DYM: variants seen among roughly 807,000 people sequenced by gnomAD.
DYM encodes the protein dyggve-Melchior-Clausen syndrome protein.
Under a neutral mutation model 93.1 loss-of-function variants are expected in DYM, and 78 were observed. That is an observed-to-expected ratio of 0.84 (90% CI 0.70 to 1.01). The LOEUF (loss-of-function observed/expected upper bound fraction) is 1.01, where lower values mean the gene tolerates loss of function less well. DYM is among the 50% of genes least tolerant of loss of function. DYM has a pLI of 0.00. For missense variants in DYM, 789 were observed against 845.0 expected (o/e 0.93, Z 0.82); for synonymous variants, 321 against 319.7 (o/e 1.00, Z -0.04).
At chr18:49,070,806 T>A (rs993061167) in intron 17 of DYM, among the ~76,000 whole-genome samples, 1 of 152,180 alleles carries the variant, frequency 6.6e-6, no homozygotes, top group Non-Finnish European at 1.5e-5. Flanking sequence ...GGAAAAGGAA[T>A]GTTAGCCGCT....
chr18:49,085,802 T>G (rs2145292883), intron 17 of DYM, among the ~76,000 whole-genome samples: 1 of 152,184 alleles, frequency 6.6e-6, no homozygotes. Flanking sequence ...GAGACGGGGT[T>G]TCACCATCTT....
intron 14 of DYM, among the ~76,000 whole-genome samples, chr18:49,174,420 A>T (rs2089147318): frequency 6.6e-6 from 1 of 152,166 alleles, no homozygotes; most frequent in South Asian, 2.1e-4. Context: ...CTATTCATAA[A>T]TGGAAGAGCT....
intron 8 of DYM, among the ~76,000 whole-genome samples, chr18:49,314,497 T>G (rs1193211620): frequency 6.6e-6 from 1 of 152,222 alleles, no homozygotes; most frequent in Admixed American, 6.5e-5. Context: ...GGAGACAGTG[T>G]GTTAAAGAGT....
intron 15 of DYM, among the ~76,000 whole-genome samples, chr18:49,142,423 G>C (rs1568485942): frequency 6.6e-6 from 1 of 152,222 alleles, no homozygotes; most frequent in Non-Finnish European, 1.5e-5. Context: ...TGGGGAAACT[G>C]AAGCTTGGAC....
chr18:49,270,120 G>A (rs2094652488), intron 11 of DYM, among the ~76,000 whole-genome samples: 1 of 152,194 alleles, frequency 6.6e-6, no homozygotes, highest in African/African-American at 2.4e-5. Flanking sequence ...GCGTGTAGTA[G>A]GCTACACTAT....
At chr18:49,312,269 T>C (rs1039974330) in intron 8 of DYM, among the ~76,000 whole-genome samples, 1 of 152,206 alleles carries the variant, frequency 6.6e-6, no homozygotes, top group African/African-American at 2.4e-5. Flanking sequence ...GTTTAAAGCC[T>C]GAAAGCCAAG....
chr18:49,112,510 T>C (rs1568441340), intron 16 of DYM, among the ~76,000 whole-genome samples: 1 of 152,120 alleles, frequency 6.6e-6, no homozygotes, highest in Non-Finnish European at 1.5e-5. Flanking sequence ...CTCCTTGGGA[T>C]CTAGACTATT....
At chr18:49,438,548 G>A (rs1206333630) in intron 1 of DYM, among the ~76,000 whole-genome samples, 1 of 152,070 alleles carries the variant, frequency 6.6e-6, no homozygotes. Flanking sequence ...AGTGTGAACA[G>A]GAACTCCGGC....
chr18:49,161,841 C>T (rs973911300), intron 15 of DYM, among the ~76,000 whole-genome samples: 19 of 152,286 alleles, frequency 1.2e-4, no homozygotes, highest in Middle Eastern at 3.4e-3. Flanking sequence ...GTACTGTTCC[C>T]ACAGTCTCAT....
At chr18:49,286,727 G>A in intron 8 of DYM, 111 bp from the exon 9 acceptor site, 1 of 1,086,598 alleles carries the variant, frequency 9.2e-7, no homozygotes, top group East Asian at 2.6e-5. Flanking sequence ...GTTCCAAAGT[G>A]TAGAACAAGA....
intron 2 of DYM, among the ~76,000 whole-genome samples, chr18:49,398,277 GTCTC>G (rs1298144349): frequency 2.0e-5 from 3 of 152,084 alleles, no homozygotes; most frequent in Admixed American, 6.6e-5. Flanking sequence ...TCTGCTGTCT[GTCTC>G]TCTGTCTGCT....
intron 15 of DYM, among the ~76,000 whole-genome samples, chr18:49,120,074 G>A (rs1380542071): frequency 6.6e-5 from 7 of 106,320 alleles, no homozygotes; most frequent in Non-Finnish European, 1.0e-4. Flanking sequence ...GCCAGATCCT[G>A]TCTCAAAAAA....
At chr18:49,169,332 G>A (rs756061385) in intron 14 of DYM, among the ~76,000 whole-genome samples, 6 of 152,218 alleles carry the variant, frequency 3.9e-5, no homozygotes, top group Non-Finnish European at 8.8e-5. Flanking sequence ...AGTCAGCTGA[G>A]CAAATCAGGC....
Position 49,257,017 on chromosome 18 carries a change from T to C in DYM, c.1453A>G (p.Ile485Val). The change falls in exon 13 of 18, where the codon ATC (isoleucine) becomes GTC (valine). Residue 485 changes from isoleucine (I) to valine (V), a missense_variant. Physicochemically the swap from Ile to Val is conservative, Grantham distance 29. Transcript: ENST00000675505. ...RSLHQYAAQRIISYTCRHLRR... is the reference protein window; with the variant it reads ...RSLHQYAAQRVISYTCRHLRR... The stretch of plus-strand genomic sequence containing the variant: ...TTTAAAGTTCATATTTACCTGATGA[T>C]CCTCTGGGCAGCATACTGATGGAGA... The C allele has an allele frequency of 6.2e-7, 1 of 1,612,838 alleles. No homozygotes were observed. Among genetic ancestry groups the C allele is most frequent in the East Asian group, 2.2e-5 (1 of 44,836 alleles).
intron 5 of DYM, among the ~76,000 whole-genome samples, chr18:49,367,762 T>C (rs1365632583): frequency 6.6e-6 from 1 of 152,194 alleles, no homozygotes; most frequent in Non-Finnish European, 1.5e-5. Flanking sequence ...AAAATTACAC[T>C]GTGCCAAATA....
At chr18:49,163,828 G>T in intron 14 of DYM, 41 bp from the exon 15 acceptor site, 1 of 1,306,594 alleles carries the variant, frequency 7.7e-7, no homozygotes, top group Non-Finnish European at 1.1e-6. Flanking sequence ...TAAAGGAACT[G>T]TTTTCTTTTC....
At chr18:49,209,528 A>T in intron 14 of DYM, 23 bp downstream of exon 14, 1 of 1,281,564 alleles carries the variant, frequency 7.8e-7, no homozygotes, top group Non-Finnish European at 1.0e-6. Context: ...GCATGCAGTA[A>T]ATGGACAGCA....
intron 15 of DYM, among the ~76,000 whole-genome samples, chr18:49,137,606 G>T (rs1229565414): frequency 1.3e-5 from 2 of 152,136 alleles, no homozygotes; most frequent in East Asian, 3.8e-4. Context: ...AACAATAAGG[G>T]TAGATAATTT....
chr18:49,324,685 T>C (rs1246008764), intron 8 of DYM, among the ~76,000 whole-genome samples: 1 of 152,250 alleles, frequency 6.6e-6, no homozygotes, highest in Non-Finnish European at 1.5e-5. Flanking sequence ...AATTGTCTTA[T>C]ATAAATTTGT....
Sources: allele counts gnomAD v4.1 joint callset (sites outside exome capture counted in the v4.1 genomes callset), GRCh38; gene constraint gnomAD v4.1.1; transcripts MANE v1.5; gene names NCBI Gene and HGNC (gene_info 2026-07-23, HGNC 2026-07-21).